The following APBB2 variants were observed in gnomAD, a reference collection of about 807,000 sequenced individuals.
APBB2 encodes the protein Fe65-like 1.
APBB2 carries 38 observed loss-of-function variants against 82.5 expected under a neutral mutation model. The observed-to-expected ratio is 0.46, with a 90% CI of 0.36 to 0.60. The LOEUF (loss-of-function observed/expected upper bound fraction) is 0.60, where lower values mean the gene tolerates loss of function less well. APBB2 is among the 20% of genes least tolerant of loss of function. APBB2 has a pLI of 0.00. For synonymous variants in APBB2, 341 were observed against 368.2 expected (o/e 0.93, Z 0.85); for missense variants, 772 against 972.3 (o/e 0.79, Z 2.74).
At chr4:40,910,099 C>A (rs1396744869) in intron 10 of APBB2, among the ~76,000 whole-genome samples, 1 of 150,958 alleles carries the variant, frequency 6.6e-6, no homozygotes, top group African/African-American at 2.4e-5. Context: ...GGATTACAGG[C>A]ACCCACCACC....
intron 1 of APBB2, among the ~76,000 whole-genome samples, chr4:41,144,688 A>G (rs1760197073): frequency 6.6e-6 from 1 of 152,252 alleles, no homozygotes; most frequent in Non-Finnish European, 1.5e-5. Flanking sequence ...CCAGTGATGA[A>G]CAACACTTTC....
intron 6 of APBB2, among the ~76,000 whole-genome samples, chr4:40,974,200 T>C (rs1796618179): frequency 6.6e-6 from 1 of 151,602 alleles, no homozygotes; most frequent in Non-Finnish European, 1.5e-5. Flanking sequence ...AGGACCACTC[T>C]AATGACCTTA....
chr4:40,998,915 C>T (rs1272567748), intron 6 of APBB2, among the ~76,000 whole-genome samples: 5 of 151,862 alleles, frequency 3.3e-5, no homozygotes, highest in South Asian at 2.1e-4. Context: ...ACATCCTGGG[C>T]GGGATGAAGC....
At chr4:40,936,755 A>G (rs962057404) in intron 7 of APBB2, among the ~76,000 whole-genome samples, 18 of 152,226 alleles carry the variant, frequency 1.2e-4, no homozygotes, top group African/African-American at 4.3e-4. Flanking sequence ...AATAAAGGGC[A>G]GGAATGTTGC....
At chr4:40,827,427 A>G (rs1245074916) in intron 13 of APBB2, among the ~76,000 whole-genome samples, 1 of 152,138 alleles carries the variant, frequency 6.6e-6, no homozygotes, top group Non-Finnish European at 1.5e-5. Flanking sequence ...GTGAAAAACT[A>G]TTCCTCAGAG....
chr4:40,881,776 C>T (rs532969145), intron 12 of APBB2, among the ~76,000 whole-genome samples: 3 of 151,964 alleles, frequency 2.0e-5, no homozygotes, highest in East Asian at 3.9e-4. Flanking sequence ...TCAAGTGATC[C>T]GCCTGCCTCG....
intron 16 of APBB2, 127 bp from the exon 17 acceptor site, chr4:40,822,177 C>T (rs879787831): frequency 2.0e-5 from 23 of 1,126,506 alleles, no homozygotes; most frequent in Non-Finnish European, 2.7e-5. Context: ...GTGTTTTTCT[C>T]GAAAGGCGGA....
At chr4:40,840,431 T>G (rs895935458) in intron 12 of APBB2, among the ~76,000 whole-genome samples, 7 of 152,148 alleles carry the variant, frequency 4.6e-5, no homozygotes, top group African/African-American at 1.7e-4. Context: ...CGTAAGAAAC[T>G]TCATCTTTCC....
chr4:41,043,520 A>T lies in APBB2; in HGVS notation c.-50-10216T>A, dbSNP rs1264055232. 3.9e-5 allele frequency among the ~76,000 whole-genome samples: 6 copies of T among 152,236 alleles called. No individual in the cohort carries two copies. The East Asian group carries it at 1.2e-3, about 29-fold the overall frequency. ...TGTCATTCTTTCATAAAAATATTTT[A>T]AAATCTTTTTATGGTAAAATAAAAC... On this transcript the variant is annotated intron_variant, in intron 4 of 17. Transcript: ENST00000508593.
chr4:40,926,229 C>T (rs1028787749), intron 10 of APBB2, among the ~76,000 whole-genome samples: 1 of 152,168 alleles, frequency 6.6e-6, no homozygotes, highest in Non-Finnish European at 1.5e-5. Context: ...ATTGGTATCA[C>T]CTGCAAACTT....
At chr4:41,047,235 T>C (rs1241847416) in intron 4 of APBB2, among the ~76,000 whole-genome samples, 1 of 152,260 alleles carries the variant, frequency 6.6e-6, no homozygotes, top group Non-Finnish European at 1.5e-5. Flanking sequence ...ACTCCATTTC[T>C]GTTCTCCTAT....
intron 1 of APBB2, among the ~76,000 whole-genome samples, chr4:41,167,427 A>C (rs912346400): frequency 3.9e-5 from 6 of 152,208 alleles, no homozygotes; most frequent in African/African-American, 9.6e-5. Context: ...AACAACCCCC[A>C]AGAGTGAATG....
chr4:40,990,518 A>G (rs966549784), intron 6 of APBB2, among the ~76,000 whole-genome samples: 3 of 152,224 alleles, frequency 2.0e-5, no homozygotes, highest in Admixed American at 2.0e-4. Flanking sequence ...GAAAGGAGAA[A>G]GGGAGGAAGG....
Position 40,898,669 on chromosome 4 carries a change from G to C in APBB2, c.1255-5258C>G, listed in dbSNP as rs567329037. 5.9e-5 allele frequency among the ~76,000 whole-genome samples: 9 copies of C among 152,124 alleles called. No homozygotes were observed. In the South Asian group the frequency reaches 1.9e-3, roughly 32 times the overall value. On this transcript the variant is annotated intron_variant, in intron 10 of 17. Transcript: ENST00000508593. ...CAAAGCCAGCACGTGGAGATGTACT[G>C]TAGACCACGATACATACGAATATAT...
intron 1 of APBB2, among the ~76,000 whole-genome samples, chr4:41,201,760 C>T (rs1776754200): frequency 6.6e-6 from 1 of 152,236 alleles, no homozygotes; most frequent in Non-Finnish European, 1.5e-5. Flanking sequence ...AGAATACACT[C>T]AGCAGGGTAA....
chr4:41,129,256 T>C (rs1755285660), intron 2 of APBB2, among the ~76,000 whole-genome samples: 1 of 152,186 alleles, frequency 6.6e-6, no homozygotes, highest in South Asian at 2.1e-4. Flanking sequence ...TCAAGACTCC[T>C]GTGCAGGGTA....
In APBB2 at chr4:41,196,088, G is replaced by A; in HGVS notation, c.-417+18317C>T. Among the ~76,000 whole-genome samples the A allele has an allele frequency of 9.9e-5, 15 of 152,052 alleles. No homozygotes were observed. In the South Asian group the frequency reaches 1.9e-3, roughly 19 times the overall value. On this transcript the variant is annotated intron_variant, in intron 1 of 17. Coordinates refer to ENST00000508593, the MANE Select transcript of APBB2 (RefSeq NM_004307.2). ...GCAAGAGAATGGCGTGAACCCGGGA[G>A]GCGGAGCTTGCAGTGAGCCAAGATC...
rs562099679 is a variant in APBB2 at position 40,916,802 on chromosome 4, A to C, written c.1254+17654T>G. Among the ~76,000 whole-genome samples, 35 of 152,234 alleles carry C rather than the reference A, an allele frequency of 2.3e-4. 1 individual carries two copies. Among genetic ancestry groups the C allele is most frequent in the South Asian group, 4.1e-4 (2 of 4,830 alleles). On this transcript the variant is annotated intron_variant, in intron 10 of 17. Coordinates refer to ENST00000508593, the MANE Select transcript of APBB2 (RefSeq NM_004307.2). ...GAGGCAATGGATTCCCAAAATTCCA[A>C]GAGAAGCAACCGCAGGTGAGATCCT...
chr4:41,141,084 C>A (rs1758990569), intron 2 of APBB2, among the ~76,000 whole-genome samples: 1 of 152,156 alleles, frequency 6.6e-6, no homozygotes, highest in Non-Finnish European at 1.5e-5. Flanking sequence ...GTCCCTCATA[C>A]CAAACAGGTT....
Sources: allele counts gnomAD v4.1 joint callset (sites outside exome capture counted in the v4.1 genomes callset), GRCh38; gene constraint gnomAD v4.1.1; transcripts MANE v1.5; gene names NCBI Gene and HGNC (gene_info 2026-07-23, HGNC 2026-07-21).